The following PCDH15 variants were observed in gnomAD, a reference collection of about 807,000 sequenced individuals.
The protein encoded by PCDH15 is protocadherin-15.
Under a neutral mutation model 178.5 loss-of-function variants are expected in PCDH15, and 129 were observed. The observed-to-expected ratio is 0.72, with a 90% CI of 0.63 to 0.84. PCDH15 has a LOEUF of 0.84. Ranked by LOEUF, PCDH15 falls within the 40% of genes least tolerant of loss-of-function variation. The pLI, the probability that PCDH15 is intolerant of heterozygous loss-of-function variation, is 0.00. For missense variants in PCDH15, 2,230 were observed against 2,099.9 expected, an observed-to-expected ratio of 1.06 and a Z score of -1.21; for synonymous variants, 800 against 732.0, an observed-to-expected ratio of 1.09 and a Z score of -1.50.
intron 3 of PCDH15, among the ~76,000 whole-genome samples, chr10:54,877,115 C>A (rs574957965): frequency 6.6e-6 from 1 of 152,072 alleles, no homozygotes. Flanking sequence ...GATTACAAAT[C>A]GCTGAAGTCT....
chr10:54,457,472 C>G (rs2076903657), intron 3 of PCDH15, among the ~76,000 whole-genome samples: 1 of 152,106 alleles, frequency 6.6e-6, no homozygotes, highest in East Asian at 1.9e-4. Flanking sequence ...TATATTGCAC[C>G]ATTTCAGAAT....
chr10:53,973,035 CA>C (rs2089874587), intron 21 of PCDH15, among the ~76,000 whole-genome samples: 1 of 152,012 alleles, frequency 6.6e-6, no homozygotes, highest in Non-Finnish European at 1.5e-5. Context: ...AGACTTTGAA[CA>C]AACCCAAATG....
intron 2 of PCDH15, among the ~76,000 whole-genome samples, chr10:54,645,267 G>A (rs2094103925): frequency 1.3e-5 from 2 of 152,066 alleles, no homozygotes; most frequent in South Asian, 4.1e-4. Flanking sequence ...ATTTAAATTA[G>A]CTAGCCGGTG....
chr10:54,841,572 A>C (rs1953418105), intron 3 of PCDH15, among the ~76,000 whole-genome samples: 1 of 151,674 alleles, frequency 6.6e-6, no homozygotes, highest in Non-Finnish European at 1.5e-5. Flanking sequence ...AAATAATATA[A>C]AGACAAAAAA....
chr10:55,588,837 T>G (rs1317711646), intron 2 of PCDH15, among the ~76,000 whole-genome samples: 19 of 152,132 alleles, frequency 1.2e-4, no homozygotes, highest in Admixed American at 1.2e-3. Flanking sequence ...ATCCTAGCAC[T>G]TTTGGAGGCC....
Position 55,101,401 on chromosome 10 carries a change from A to C in PCDH15, c.-80+65175T>G, listed in dbSNP as rs533659677. On this transcript the variant is annotated intron_variant, in intron 2 of 5. Transcript: ENST00000458638. ...AAGATTCCATCTCAAAATAAAAAAA[A>C]AAAACTTTTTTTTTTTTATGGCCAC... Among the ~76,000 whole-genome samples, 277 of 136,530 alleles carry C rather than the reference A, an allele frequency of 2.0e-3. 2 individuals carry two copies. The highest frequency in any genetic ancestry group is 7.5e-3 in the African/African-American group (248 of 33,242). The allele number at this position is 136,530 out of a possible 152,430, so 89.6% of individuals were successfully genotyped here.
At chr10:55,185,460 A>G (rs1591973821) in intron 1 of PCDH15, among the ~76,000 whole-genome samples, 3 of 151,838 alleles carry the variant, frequency 2.0e-5, no homozygotes, top group Admixed American at 2.0e-4. Flanking sequence ...GCAACATCAA[A>G]TAAGTAATCT....
At chr10:54,309,176 C>G (rs1468865877) in intron 8 of PCDH15, among the ~76,000 whole-genome samples, 1 of 151,890 alleles carries the variant, frequency 6.6e-6, no homozygotes. Context: ...TAACAATATG[C>G]TGGGACAAGA....
chr10:54,145,429 T>C (rs1425504856), intron 14 of PCDH15, among the ~76,000 whole-genome samples: 1 of 152,152 alleles, frequency 6.6e-6, no homozygotes, highest in Admixed American at 6.6e-5. Flanking sequence ...TGTTTTCCTT[T>C]GTCTTCTACC....
At chr10:54,352,815 T>C (rs1388236300) in intron 5 of PCDH15, among the ~76,000 whole-genome samples, 2 of 152,156 alleles carry the variant, frequency 1.3e-5, no homozygotes, top group African/African-American at 4.8e-5. Flanking sequence ...CTGTACAAAT[T>C]ATCATTACTA....
intron 7 of PCDH15, among the ~76,000 whole-genome samples, chr10:54,324,576 T>G (rs857386): frequency 0.72 from 109,328 of 151,856 alleles, 40,197 homozygotes; most frequent in Middle Eastern, 0.82. Context: ...GACCAGCCTG[T>G]CCAGCACAGT....
chr10:54,402,767 G>A lies in PCDH15; in HGVS notation c.158-23825C>T, dbSNP rs546172771. Among the ~76,000 whole-genome samples, 4 of 152,028 alleles carry A rather than the reference G, an allele frequency of 2.6e-5. No homozygotes were observed. In the South Asian group the frequency reaches 8.3e-4, roughly 32 times the overall value. On this transcript the variant is annotated intron_variant, in intron 3 of 37. Transcript: ENST00000644397. ...GAACTTAATTCATGAAATGTTTTGT[G>A]TGTTCTGATTGCTCCACCTACTGGC...
intron 3 of PCDH15, among the ~76,000 whole-genome samples, chr10:54,500,558 G>C (rs1046086622): frequency 6.6e-6 from 1 of 152,076 alleles, no homozygotes. Flanking sequence ...AGTCAGGCCC[G>C]GTGGTTCACA....
intron 1 of PCDH15, among the ~76,000 whole-genome samples, chr10:54,718,380 C>A (rs2095506641): frequency 6.6e-6 from 1 of 152,078 alleles, no homozygotes; most frequent in African/African-American, 2.4e-5. Context: ...AAGCATTGAG[C>A]CTGCTCACAT....
chr10:54,985,388 G>C (rs560452631), intron 2 of PCDH15, among the ~76,000 whole-genome samples: 10 of 152,222 alleles, frequency 6.6e-5, no homozygotes, highest in Admixed American at 3.9e-4. Flanking sequence ...TTAATATGTA[G>C]TATAGATGCT....
chr10:55,212,382 C>T (rs1840592736), intron 1 of PCDH15, among the ~76,000 whole-genome samples: 1 of 152,056 alleles, frequency 6.6e-6, no homozygotes, highest in Non-Finnish European at 1.5e-5. Context: ...CTCTCTGCAG[C>T]ATCAGAGAGC....
chr10:54,242,127 T>TA (rs2055382769), intron 8 of PCDH15, among the ~76,000 whole-genome samples: 1 of 33,128 alleles, frequency 3.0e-5, no homozygotes, highest in African/African-American at 3.2e-4. Flanking sequence ...CTGAATTCTA[T>TA]TTTTATATAT....
intron 2 of PCDH15, among the ~76,000 whole-genome samples, chr10:55,409,596 G>A (rs989500993): frequency 2.0e-5 from 3 of 151,784 alleles, no homozygotes; most frequent in East Asian, 1.9e-4. Context: ...TCACCATACC[G>A]TTCAGTGGTT....
intron 29 of PCDH15, among the ~76,000 whole-genome samples, chr10:53,833,681 A>G (rs1589000962): frequency 6.6e-6 from 1 of 152,090 alleles, no homozygotes; most frequent in South Asian, 2.1e-4. Flanking sequence ...GTAATATAAT[A>G]AACTCTTGAA....
Sources: gnomAD v4.1 joint callset for allele counts (sites outside exome capture counted in the v4.1 genomes callset) on GRCh38, gnomAD v4.1.1 for gene constraint, MANE v1.5 for transcripts, NCBI Gene and HGNC (gene_info 2026-07-23, HGNC 2026-07-21) for gene names.